The following NLGN1 variants were observed in gnomAD, a reference collection of about 807,000 sequenced individuals.
NLGN1 encodes neuroligin 1.
Under a neutral mutation model 65.5 loss-of-function variants are expected in NLGN1, and 12 were observed. The observed-to-expected ratio is 0.18, with a 90% CI of 0.12 to 0.30. The LOEUF is 0.30. Ranked by LOEUF, NLGN1 falls within the 10% of genes least tolerant of loss-of-function variation. NLGN1 has a pLI of 1.00. For synonymous variants in NLGN1, 350 were observed against 359.5 expected (o/e 0.97, Z 0.30); for missense variants, 750 against 1,007.1 (o/e 0.74, Z 3.46).
rs1577235673 is a variant in NLGN1 at position 173,551,731 on chromosome 3, C to G, written c.-320-52548C>G. On this transcript the variant is annotated intron_variant, in intron 2 of 6. Transcript: ENST00000457714. ...ATCTTGGTACCGAAATCATCCGGCT[C>G]CATATTCCAGGTTACCCATTTACTA... Among the ~76,000 whole-genome samples the G allele has an allele frequency of 2.6e-5, 4 of 152,244 alleles. No individual in the cohort carries two copies. In the South Asian group the frequency reaches 8.3e-4, roughly 32 times the overall value.
chr3:173,720,890 G>A (rs1361061761), intron 3 of NLGN1, among the ~76,000 whole-genome samples: 1 of 152,130 alleles, frequency 6.6e-6, no homozygotes, highest in East Asian at 1.9e-4. Flanking sequence ...TAATTTTTAA[G>A]GTATCTACGT....
chr3:174,004,904 T>C (rs1724049572), intron 4 of NLGN1, among the ~76,000 whole-genome samples: 1 of 152,132 alleles, frequency 6.6e-6, no homozygotes, highest in African/African-American at 2.4e-5. Flanking sequence ...AAATAGATTT[T>C]ATTTAATTAA....
At chr3:173,452,346 G>A (rs563585414) in intron 2 of NLGN1, among the ~76,000 whole-genome samples, 45 of 152,158 alleles carry the variant, frequency 3.0e-4, no homozygotes, top group South Asian at 6.2e-4. Flanking sequence ...CACCACGTCC[G>A]GCTAATTTTT....
intron 3 of NLGN1, among the ~76,000 whole-genome samples, chr3:173,803,955 C>T (rs1462225312): frequency 6.6e-6 from 1 of 152,032 alleles, no homozygotes; most frequent in Non-Finnish European, 1.5e-5. Context: ...AATCAGTAAA[C>T]ATATTTAATG....
At chr3:174,167,237 G>A (rs1187322975) in intron 4 of NLGN1, among the ~76,000 whole-genome samples, 1 of 151,942 alleles carries the variant, frequency 6.6e-6, no homozygotes, top group Admixed American at 6.6e-5. Context: ...TTGTTAGCTG[G>A]TTGTTTTGTA....
chr3:173,918,696 GTGTGTGTATATA>G (rs1257729799), intron 4 of NLGN1, among the ~76,000 whole-genome samples: 226 of 134,752 alleles, frequency 1.7e-3, no homozygotes, highest in African/African-American at 6.2e-3. Flanking sequence ...GTGTGTGTGT[GTGTGTGTATATA>G]TATATATTGC....
At chr3:173,664,461 T>TA (rs1349286292) in intron 3 of NLGN1, among the ~76,000 whole-genome samples, 1 of 152,146 alleles carries the variant, frequency 6.6e-6, no homozygotes, top group Non-Finnish European at 1.5e-5. Flanking sequence ...CTAGAATAAA[T>TA]ATAGTCACAT....
intron 2 of NLGN1, among the ~76,000 whole-genome samples, chr3:173,463,495 G>A (rs1398348527): frequency 1.3e-5 from 2 of 152,098 alleles, no homozygotes; most frequent in Non-Finnish European, 2.9e-5. Flanking sequence ...TGACTAGAAT[G>A]TTCTCTTGTA....
chr3:174,043,259 C>G (rs903055073), intron 4 of NLGN1, among the ~76,000 whole-genome samples: 1 of 152,078 alleles, frequency 6.6e-6, no homozygotes, highest in Non-Finnish European at 1.5e-5. Context: ...AGCCCCTGGC[C>G]CCTTCCAGAT....
intron 4 of NLGN1, among the ~76,000 whole-genome samples, chr3:173,826,946 A>G (rs997014428): frequency 9.9e-5 from 15 of 152,102 alleles, no homozygotes; most frequent in Admixed American, 7.2e-4. Flanking sequence ...AACAAAACAG[A>G]AACATATTTC....
At chr3:173,431,448 C>CT (rs1205810857) in intron 1 of NLGN1, among the ~76,000 whole-genome samples, 1 of 151,950 alleles carries the variant, frequency 6.6e-6, no homozygotes, top group African/African-American at 2.4e-5. Context: ...ACATATATAA[C>CT]TTTTTATTTG....
chr3:173,619,174 T>C (rs1753606289), intron 3 of NLGN1, among the ~76,000 whole-genome samples: 1 of 152,140 alleles, frequency 6.6e-6, no homozygotes, highest in Non-Finnish European at 1.5e-5. Flanking sequence ...TGAGAGATGA[T>C]AGAATAGAAA....
At chr3:173,655,929 G>A (rs535817898) in intron 3 of NLGN1, among the ~76,000 whole-genome samples, 1 of 152,230 alleles carries the variant, frequency 6.6e-6, no homozygotes, top group East Asian at 1.9e-4. Flanking sequence ...CAAAAGCAGA[G>A]ATTCATTGAA....
intron 3 of NLGN1, among the ~76,000 whole-genome samples, chr3:173,663,107 G>A (rs887330126): frequency 6.6e-6 from 1 of 151,908 alleles, no homozygotes; most frequent in Non-Finnish European, 1.5e-5. Context: ...CTTTGGAGTA[G>A]GTGAACTTGG....
chr3:174,218,370 G>A (rs1432494499), intron 4 of NLGN1, among the ~76,000 whole-genome samples: 3 of 151,786 alleles, frequency 2.0e-5, no homozygotes, highest in African/African-American at 7.3e-5. Flanking sequence ...TTAAGGAATT[G>A]GAAGGAGATT....
chr3:173,411,699 C>T lies in NLGN1; in HGVS notation c.-390+13212C>T, dbSNP rs1211818881. 5.3e-5 allele frequency among the ~76,000 whole-genome samples: 8 copies of T among 152,094 alleles called. No individual in the cohort carries two copies. In the East Asian group the frequency reaches 1.5e-3, roughly 29 times the overall value. On this transcript the variant is annotated intron_variant, in intron 1 of 6. Transcript: ENST00000457714. Reference sequence around the variant, plus strand: ...ATTAAGCATCTATTCCTACCCCGCCCTCCAAACCCCCTCATCTCTTATCTA... The same window carrying T: ...ATTAAGCATCTATTCCTACCCCGCCTTCCAAACCCCCTCATCTCTTATCTA...
At chr3:173,649,755 A>G (rs1758849830) in intron 3 of NLGN1, among the ~76,000 whole-genome samples, 1 of 152,276 alleles carries the variant, frequency 6.6e-6, no homozygotes, top group Middle Eastern at 3.4e-3. Flanking sequence ...AAAGAATATC[A>G]TAAAAGTAAA....
intron 4 of NLGN1, among the ~76,000 whole-genome samples, chr3:173,961,866 A>T (rs1208464692): frequency 1.3e-5 from 2 of 152,054 alleles, no homozygotes; most frequent in African/African-American, 4.8e-5. Context: ...TTTAACAGGG[A>T]GGTCTCTCCT....
intron 2 of NLGN1, among the ~76,000 whole-genome samples, chr3:173,551,475 AT>A (rs1196221100): frequency 6.6e-6 from 1 of 152,176 alleles, no homozygotes; most frequent in African/African-American, 2.4e-5. Context: ...TTTTTTAAAT[AT>A]TGTGTTTGAC....
Sources: gnomAD v4.1 joint callset for allele counts (sites outside exome capture counted in the v4.1 genomes callset) on GRCh38, gnomAD v4.1.1 for gene constraint, MANE v1.5 for transcripts, NCBI Gene and HGNC (gene_info 2026-07-23, HGNC 2026-07-21) for gene names.